Variants in GABRG3 observed in about 807,000 individuals in gnomAD.
The protein encoded by GABRG3 is gamma-aminobutyric acid receptor subunit gamma-3.
A neutral mutation model predicts 48.8 loss-of-function variants in GABRG3; 25 were observed. That is an observed-to-expected ratio of 0.51 (90% confidence interval 0.37 to 0.72). The LOEUF is 0.72. Ranked by LOEUF, GABRG3 falls within the 30% of genes least tolerant of loss-of-function variation. GABRG3 has a pLI of 0.00. For missense variants in GABRG3, 394 were observed against 577.9 expected (o/e 0.68, Z 3.26); for synonymous variants, 227 against 217.6 (o/e 1.04, Z -0.38).
rs1566771093 is a variant in GABRG3 at position 27,307,398 on chromosome 15, G to GGTTTATATATTTATATATAAACATATAT, written c.271-19384_271-19383insTGTTTATATATTTATATATAAACATATA. Among the ~76,000 whole-genome samples, 3 of 87,812 alleles carry GGTTTATATATTTATATATAAACATATAT rather than the reference G, an allele frequency of 3.4e-5. 1 individual carries two copies. Among genetic ancestry groups the GGTTTATATATTTATATATAAACATATAT allele is most frequent in the Non-Finnish European group, 7.3e-5 (3 of 41,216 alleles). The allele number at this position is 87,812 out of a possible 152,430, so 57.6% of individuals were successfully genotyped here. A position where few individuals can be genotyped will look rare whatever the true frequency, so the allele number is the denominator to read the frequency against. ...TTATATATTTATATATAACCATATA[G>GGTTTATATATTTATATATAAACATATAT]GTTTATATATTTATATATAAACATA... On this transcript the variant is annotated intron_variant, in intron 3 of 9. Transcript: ENST00000615808.
chr15:27,042,571 C>T (rs1480728214), intron 3 of GABRG3, among the ~76,000 whole-genome samples: 1 of 152,204 alleles, frequency 6.6e-6, no homozygotes, highest in Non-Finnish European at 1.5e-5. Context: ...TGGCTCCTCC[C>T]CTGCCCTCCA....
At chr15:27,012,996 A>G (rs1431235155) in intron 2 of GABRG3, among the ~76,000 whole-genome samples, 1 of 152,180 alleles carries the variant, frequency 6.6e-6, no homozygotes, top group Non-Finnish European at 1.5e-5. Context: ...ATAATACTGG[A>G]AATGTTTGAA....
Position 27,495,134 on chromosome 15 carries a change from C to A in GABRG3, c.712+14347C>A, listed in dbSNP as rs74529460. On this transcript the variant is annotated intron_variant, in intron 6 of 9. Transcript: ENST00000615808. ...CCACTAAACAGTAATTCCTCCTCCC[C>A]CCAACCCATGGGAACCACCTTACTA... Among the ~76,000 whole-genome samples the A allele has an allele frequency of 3.0e-3, 459 of 152,244 alleles. 3 individuals carry two copies. The highest frequency in any genetic ancestry group is 0.011 in the African/African-American group (442 of 41,540).
chr15:27,157,724 A>G (rs1386593151), intron 3 of GABRG3: 1 of 152,246 alleles, frequency 6.6e-6, no homozygotes, highest in African/African-American at 2.4e-5. Context: ...ACATATTGCA[A>G]TATCAACGCA....
chr15:27,053,065 A>G (rs1271535932), intron 3 of GABRG3, among the ~76,000 whole-genome samples: 1 of 152,252 alleles, frequency 6.6e-6, no homozygotes, highest in African/African-American at 2.4e-5. Context: ...AAATCCTAGA[A>G]GAAAACCTAG....
At chr15:27,040,856 A>G (rs1263422357) in intron 3 of GABRG3, among the ~76,000 whole-genome samples, 2 of 152,184 alleles carry the variant, frequency 1.3e-5, no homozygotes, top group Admixed American at 6.5e-5. Flanking sequence ...AGAAGGGACC[A>G]TATGAAGTTG....
intron 5 of GABRG3, among the ~76,000 whole-genome samples, chr15:27,400,955 A>C (rs977710323): frequency 2.0e-5 from 3 of 152,254 alleles, no homozygotes; most frequent in Admixed American, 1.3e-4. Context: ...TTCCGCAAGT[A>C]GTCCATAGAC....
At chr15:27,336,337 GGAAA>G (rs147113683) in intron 5 of GABRG3, among the ~76,000 whole-genome samples, 6,400 of 151,888 alleles carry the variant, frequency 0.042, 207 homozygotes, top group South Asian at 0.11. Context: ...TGAAGAAAAA[GGAAA>G]GAAAGAAAGA....
chr15:27,454,931 C>T (rs983986210), intron 5 of GABRG3, among the ~76,000 whole-genome samples: 3 of 152,194 alleles, frequency 2.0e-5, no homozygotes, highest in Non-Finnish European at 2.9e-5. Flanking sequence ...GCATGTTACA[C>T]GGTCATTATT....
intron 3 of GABRG3, among the ~76,000 whole-genome samples, chr15:27,033,175 C>T (rs573279937): frequency 2.1e-4 from 32 of 151,848 alleles, no homozygotes; most frequent in Admixed American, 1.3e-3. Flanking sequence ...CAAGCTCTCC[C>T]GGGTTCTTTA....
At chr15:27,198,539 C>T (rs1338389692) in intron 3 of GABRG3, among the ~76,000 whole-genome samples, 1 of 152,160 alleles carries the variant, frequency 6.6e-6, no homozygotes, top group Admixed American at 6.5e-5. Flanking sequence ...TGCTTTTACA[C>T]TGTTGGTGGG....
chr15:27,446,190 GC>G (rs1156588829), intron 5 of GABRG3, among the ~76,000 whole-genome samples: 3 of 152,084 alleles, frequency 2.0e-5, no homozygotes, highest in Non-Finnish European at 4.4e-5. Context: ...AGTCAGCTAA[GC>G]TTTTCATATA....
At chr15:27,213,678 A>G (rs1024973887) in intron 3 of GABRG3, among the ~76,000 whole-genome samples, 1 of 152,216 alleles carries the variant, frequency 6.6e-6, no homozygotes, top group African/African-American at 2.4e-5. Flanking sequence ...CATAAACTGT[A>G]ACACTTATGC....
intron 3 of GABRG3, among the ~76,000 whole-genome samples, chr15:27,203,831 A>G (rs920838616): frequency 6.6e-6 from 1 of 152,250 alleles, no homozygotes; most frequent in Non-Finnish European, 1.5e-5. Flanking sequence ...GGCTGCATGC[A>G]TGTCTTCTTT....
At chr15:27,317,388 G>A (rs540838452) in intron 3 of GABRG3, among the ~76,000 whole-genome samples, 2 of 152,266 alleles carry the variant, frequency 1.3e-5, no homozygotes, top group South Asian at 2.1e-4. Context: ...CAATGTAGTC[G>A]TGGCCTTCTA....
intron 3 of GABRG3, among the ~76,000 whole-genome samples, chr15:27,190,913 T>G (rs558086222): frequency 1.1e-4 from 16 of 152,348 alleles, no homozygotes; most frequent in African/African-American, 3.8e-4. Flanking sequence ...TCCCAGAGAT[T>G]CTGATATGTC....
At chr15:27,189,084 T>C (rs191659353) in intron 3 of GABRG3, among the ~76,000 whole-genome samples, 187 of 152,318 alleles carry the variant, frequency 1.2e-3, no homozygotes, top group African/African-American at 4.4e-3. Flanking sequence ...TCCATTGATC[T>C]ATATCTCTGT....
chr15:27,463,466 G>T (rs1889509423), intron 5 of GABRG3, among the ~76,000 whole-genome samples: 1 of 151,782 alleles, frequency 6.6e-6, no homozygotes, highest in South Asian at 2.1e-4. Flanking sequence ...ATCTTTAACA[G>T]TGGGCCAGAA....
chr15:27,121,948 A>G (rs1372683553), intron 3 of GABRG3, among the ~76,000 whole-genome samples: 1 of 152,210 alleles, frequency 6.6e-6, no homozygotes, highest in Non-Finnish European at 1.5e-5. Flanking sequence ...AAGGATGGTT[A>G]CCAGAGGCTG....
Sources: gnomAD v4.1 joint callset for allele counts (sites outside exome capture counted in the v4.1 genomes callset) on GRCh38, gnomAD v4.1.1 for gene constraint, MANE v1.5 for transcripts, NCBI Gene and HGNC (gene_info 2026-07-23, HGNC 2026-07-21) for gene names.